ADGRB3: variants seen among roughly 807,000 people sequenced by gnomAD.
ADGRB3 encodes brain-specific angiogenesis inhibitor 3.
A neutral mutation model predicts 193.4 loss-of-function variants in ADGRB3; 37 were observed. The ratio of observed to expected loss-of-function variants is 0.19; its 90% CI spans 0.15 to 0.25. The LOEUF is 0.25. Ranked by LOEUF, ADGRB3 falls within the 10% of genes least tolerant of loss-of-function variation. The pLI is 1.00. For missense variants in ADGRB3, 1,637 were observed against 1,852.9 expected (o/e 0.88, Z 2.14); for synonymous variants, 690 against 644.2 (o/e 1.07, Z -1.08).
At chr6:69,100,864 AGGAAG>A in intron 17 of ADGRB3, among the ~76,000 whole-genome samples, 1 of 6,078 alleles carries the variant, frequency 1.6e-4, no homozygotes. Flanking sequence ...GAAGGAAGGA[AGGAAG>A]GAAGAAGGAA....
chr6:69,058,286 TCTC>T lies in ADGRB3; in HGVS notation c.2334-4642_2334-4640del, dbSNP rs1205096866. On this transcript the variant is annotated intron_variant, in intron 15 of 31. Transcript: ENST00000370598. ...TACTTCAGTGCCATCAGTTGTGATGTCTCCTCCTTTTTTTCTGGTTTTTGTTAT... is the reference window on the plus strand; with the variant it reads ...TACTTCAGTGCCATCAGTTGTGATGTCTCCTTTTTTTCTGGTTTTTGTTAT... 2.0e-5 allele frequency among the ~76,000 whole-genome samples: 3 copies of T among 151,934 alleles called. No homozygotes were observed. In the East Asian group the frequency reaches 5.8e-4, roughly 29 times the overall value.
intron 3 of ADGRB3, among the ~76,000 whole-genome samples, chr6:68,885,034 TCAATA>T (rs1765869087): frequency 6.6e-6 from 1 of 152,190 alleles, no homozygotes; most frequent in African/African-American, 2.4e-5. Context: ...AAATAACAGT[TCAATA>T]CAATAATAAA....
chr6:68,835,644 T>C (rs984238571), intron 3 of ADGRB3, among the ~76,000 whole-genome samples: 1 of 151,890 alleles, frequency 6.6e-6, no homozygotes, highest in Non-Finnish European at 1.5e-5. Flanking sequence ...CCCTTACATG[T>C]TTTTTTTAGA....
intron 20 of ADGRB3, among the ~76,000 whole-genome samples, chr6:69,310,950 A>G (rs950688153): frequency 2.0e-5 from 3 of 151,712 alleles, no homozygotes; most frequent in South Asian, 4.2e-4. Context: ...TTTCGGCCCA[A>G]TATAGACTAA....
In ADGRB3 at chr6:69,165,427, C is replaced by G. The variant is rs7749628; in HGVS notation, c.2481-67863C>G. On this transcript the variant is annotated intron_variant, in intron 17 of 31. Coordinates refer to ENST00000370598, the MANE Select transcript of ADGRB3 (RefSeq NM_001704.3). ...ATCCCCCCCAACTTCACTTTACACC[C>G]CGGCAAAACAATTGTTTGGTTTACT... is the stretch of plus-strand genomic sequence containing the variant. Among the ~76,000 whole-genome samples the G allele has an allele frequency of 9.2e-4, 140 of 151,584 alleles. 1 individual carries two copies. The highest frequency in any genetic ancestry group is 3.3e-3 in the African/African-American group (136 of 41,310).
At chr6:69,001,486 T>C (rs772550390) in intron 11 of ADGRB3, among the ~76,000 whole-genome samples, 6 of 152,078 alleles carry the variant, frequency 3.9e-5, no homozygotes, top group Admixed American at 2.0e-4. Context: ...ATAACATGGA[T>C]TGGTGAGTAG....
intron 17 of ADGRB3, among the ~76,000 whole-genome samples, chr6:69,229,265 T>C (rs534804507): frequency 9.3e-4 from 141 of 152,266 alleles, no homozygotes; most frequent in Non-Finnish European, 1.0e-3. Flanking sequence ...TTCTATATTA[T>C]GAGAATAATT....
chr6:68,918,676 T>C (rs1487873757), intron 3 of ADGRB3, among the ~76,000 whole-genome samples: 5 of 152,178 alleles, frequency 3.3e-5, no homozygotes, highest in African/African-American at 9.6e-5. Context: ...GTTGCATACA[T>C]TTCTGCCTGT....
chr6:68,691,253 TGTG>T (rs1161493708), intron 3 of ADGRB3, among the ~76,000 whole-genome samples: 4 of 152,114 alleles, frequency 2.6e-5, no homozygotes, highest in African/African-American at 4.8e-5. Context: ...TGATAGACGT[TGTG>T]GTAAGTTTCT....
intron 4 of ADGRB3, among the ~76,000 whole-genome samples, chr6:68,934,653 T>A (rs1285383625): frequency 6.6e-6 from 1 of 152,160 alleles, no homozygotes; most frequent in Admixed American, 6.6e-5. Context: ...TTTTAAAAAG[T>A]GTATTATATT....
At chr6:69,027,837 C>A (rs1217520904) in intron 13 of ADGRB3, among the ~76,000 whole-genome samples, 1 of 152,124 alleles carries the variant, frequency 6.6e-6, no homozygotes, top group African/African-American at 2.4e-5. Flanking sequence ...AAGGAGAGCA[C>A]TCAAGGAAAT....
intron 15 of ADGRB3, among the ~76,000 whole-genome samples, chr6:69,052,407 CAA>C (rs1182581311): frequency 6.6e-6 from 1 of 152,100 alleles, no homozygotes; most frequent in Non-Finnish European, 1.5e-5. Context: ...CAGTTATTTA[CAA>C]AGTTTTATAA....
chr6:68,968,232 T>G (rs1480989643), intron 8 of ADGRB3, among the ~76,000 whole-genome samples: 1 of 152,186 alleles, frequency 6.6e-6, no homozygotes, highest in Non-Finnish European at 1.5e-5. Flanking sequence ...TTCACCCTAC[T>G]GGCTCACTAG....
intron 3 of ADGRB3, among the ~76,000 whole-genome samples, chr6:68,670,081 C>A (rs1308167464): frequency 1.3e-5 from 2 of 151,914 alleles, no homozygotes; most frequent in East Asian, 3.9e-4. Context: ...TGAGAAATGT[C>A]TATTCAAATC....
intron 20 of ADGRB3, among the ~76,000 whole-genome samples, chr6:69,285,210 C>T (rs1334131319): frequency 2.6e-5 from 4 of 152,164 alleles, no homozygotes; most frequent in Admixed American, 6.6e-5. Flanking sequence ...AGATACTATA[C>T]ACTGAGTACT....
Position 69,235,109 on chromosome 6 carries a change from A to G in ADGRB3, c.2685A>G (p.Leu895=). Residue 895 remains leucine, a synonymous_variant, in exon 19 of 32, where the codon CTA becomes CTG. Coordinates refer to ENST00000370598, the MANE Select transcript of ADGRB3 (RefSeq NM_001704.3). ...SGLSCLALIT[L]AVVYAALWRY... The stretch of plus-strand genomic sequence containing the variant: ...TTTCTTGCTTGGCCTTGATTACCCT[A>G]GCAGTTGTCTATGCAGCATTATGGA... The G allele has an allele frequency of 6.2e-7, 1 of 1,611,414 alleles. No homozygotes were observed. Among genetic ancestry groups the G allele is most frequent in the Non-Finnish European group, 8.5e-7 (1 of 1,177,658 alleles).
chr6:68,721,596 G>A (rs578037522), intron 3 of ADGRB3, among the ~76,000 whole-genome samples: 86 of 147,080 alleles, frequency 5.8e-4, no homozygotes, highest in African/African-American at 1.9e-3. Flanking sequence ...TGCACGTTGT[G>A]CACATGTACC....
intron 10 of ADGRB3, among the ~76,000 whole-genome samples, chr6:68,978,229 G>C (rs1768803038): frequency 6.6e-6 from 1 of 151,248 alleles, no homozygotes. Context: ...ATAAAATTTT[G>C]GAACTCAACA....
At chr6:68,660,158 GA>G (rs565383609) in intron 3 of ADGRB3, among the ~76,000 whole-genome samples, 12 of 150,604 alleles carry the variant, frequency 8.0e-5, no homozygotes, top group Non-Finnish European at 1.6e-4. Context: ...ATATTCAGCA[GA>G]AATTAATGTT....
Sources: gnomAD v4.1 joint callset for allele counts (sites outside exome capture counted in the v4.1 genomes callset) on GRCh38, gnomAD v4.1.1 for gene constraint, MANE v1.5 for transcripts, NCBI Gene and HGNC (gene_info 2026-07-23, HGNC 2026-07-21) for gene names.